JAM2: variants seen among roughly 807,000 people sequenced by gnomAD.
JAM2 encodes the protein junctional adhesion molecule 2, also known as junctional adhesion molecule B.
A neutral mutation model predicts 42.0 loss-of-function variants in JAM2; 17 were observed. That is an observed-to-expected ratio of 0.40 (90% CI 0.28 to 0.61). JAM2 has a LOEUF of 0.61. Among genes scored for constraint, JAM2 ranks in the 20% least tolerant of loss-of-function variants. JAM2 has a pLI of 0.37. For missense variants in JAM2, 319 were observed against 358.3 expected (o/e 0.89, Z 0.89); for synonymous variants, 118 against 128.6 (o/e 0.92, Z 0.56).
At chr21:25,708,735 T>C (rs928403260) in intron 7 of JAM2, among the ~76,000 whole-genome samples, 5 of 152,224 alleles carry the variant, frequency 3.3e-5, no homozygotes, top group African/African-American at 1.2e-4. Context: ...GTCATCTTTA[T>C]CTATAGCCTA....
At chr21:25,683,281 A>C (rs916351556) in intron 1 of JAM2, among the ~76,000 whole-genome samples, 3 of 152,186 alleles carry the variant, frequency 2.0e-5, no homozygotes, top group Admixed American at 6.5e-5. Flanking sequence ...GGTAGCCACC[A>C]CAGTCAGTTA....
chr21:25,703,329 C>T (rs1279019345), intron 6 of JAM2, among the ~76,000 whole-genome samples: 6 of 152,278 alleles, frequency 3.9e-5, no homozygotes, highest in African/African-American at 1.2e-4. Flanking sequence ...ACAATAAATA[C>T]ATAACGAATA....
chr21:25,685,761 G>C (rs776400415), intron 2 of JAM2, among the ~76,000 whole-genome samples: 34 of 152,200 alleles, frequency 2.2e-4, no homozygotes, highest in Non-Finnish European at 3.7e-4. Context: ...AAACAGGGCT[G>C]GGTGAGATGC....
chr21:25,697,379 G>A (rs2034062201), intron 4 of JAM2, among the ~76,000 whole-genome samples: 1 of 152,118 alleles, frequency 6.6e-6, no homozygotes, highest in African/African-American at 2.4e-5. Context: ...CTGCAATCTT[G>A]GGAGACCACC....
Position 25,717,497 on chromosome 21 carries a change from C to A in JAM2, c.*2825C>A, listed in dbSNP as rs141987754. 6 of 879,002 alleles carry A rather than the reference C, an allele frequency of 6.8e-6. No individual in the cohort carries two copies. The African/African-American group carries it at 6.9e-5, about 10-fold the overall frequency. 54.5% of individuals were successfully genotyped at this position (879,002 alleles called of 1,614,324 possible). A position where few individuals can be genotyped will look rare whatever the true frequency, so the allele number is the denominator to read the frequency against. On this transcript the variant is annotated 3_prime_UTR_variant, in exon 10 of 10. Coordinates refer to ENST00000480456, the MANE Select transcript of JAM2 (RefSeq NM_021219.4). ...ACCAATTGATTGCTTTTCAATACAA[C>A]TTTGCAAAGAACTTCCTTTTTCCAC...
chr21:25,661,168 G>T (rs2033078923), intron 1 of JAM2, among the ~76,000 whole-genome samples: 1 of 152,136 alleles, frequency 6.6e-6, no homozygotes, highest in African/African-American at 2.4e-5. Context: ...CATTATAAGT[G>T]TACACCAGGC....
chr21:25,705,872 T>C, intron 6 of JAM2, 107 bp from the exon 7 acceptor site: 1 of 737,752 alleles, frequency 1.4e-6, no homozygotes, highest in Non-Finnish European at 2.4e-6. Flanking sequence ...AAGTATGCTT[T>C]ATGATATAGC....
chr21:25,681,087 A>G (rs2033620721), intron 1 of JAM2, among the ~76,000 whole-genome samples: 1 of 152,248 alleles, frequency 6.6e-6, no homozygotes, highest in Non-Finnish European at 1.5e-5. Context: ...GTGGAGAAAT[A>G]GCATTTCAAG....
In JAM2 at chr21:25,716,700, C is replaced by T. The variant is rs2034486779; in HGVS notation, c.*2028C>T. On this transcript the variant is annotated 3_prime_UTR_variant, in exon 10 of 10. Transcript: ENST00000480456. ...CTGTGTTCCAATAAGACTTTATTTACAAAAACAGCAGGCACAGACAAGATT... is the reference window on the plus strand; with the variant it reads ...CTGTGTTCCAATAAGACTTTATTTATAAAAACAGCAGGCACAGACAAGATT... The T allele has an allele frequency of 6.6e-6, 1 of 152,164 alleles. No homozygotes were observed. The highest frequency in any genetic ancestry group is 2.4e-5 in the African/African-American group (1 of 41,430). 9.4% of individuals were successfully genotyped at this position (152,164 alleles called of 1,614,324 possible).
intron 6 of JAM2, among the ~76,000 whole-genome samples, chr21:25,702,540 A>G (rs190273191): frequency 4.3e-4 from 65 of 152,322 alleles, no homozygotes; most frequent in African/African-American, 1.5e-3. Context: ...ACATTCTTCT[A>G]AGTAGTCTTT....
In JAM2 at chr21:25,643,214, T is replaced by C. The variant is rs140199221; in HGVS notation, c.67+3326T>C. On this transcript the variant is annotated intron_variant, in intron 1 of 9. Transcript: ENST00000480456. Reference sequence around the variant, plus strand: ...TATAAATCATGAAGCTCTAACTTCATGTTAAGTAGGTGGAGTGTTAGATTT... The same window carrying C: ...TATAAATCATGAAGCTCTAACTTCACGTTAAGTAGGTGGAGTGTTAGATTT... Among the ~76,000 whole-genome samples, 57 of 152,354 alleles carry C rather than the reference T, an allele frequency of 3.7e-4. 1 individual carries two copies. The East Asian group carries it at 9.8e-3, about 26-fold the overall frequency.
At chr21:25,640,197 G>A (rs1203485648) in intron 1 of JAM2, among the ~76,000 whole-genome samples, 2 of 152,248 alleles carry the variant, frequency 1.3e-5, no homozygotes, top group African/African-American at 4.8e-5. Context: ...TTTTCAGACA[G>A]AGGGACGTGA....
intron 1 of JAM2, among the ~76,000 whole-genome samples, chr21:25,652,340 TGTG>T (rs2032804939): frequency 6.6e-6 from 1 of 152,082 alleles, no homozygotes; most frequent in Admixed American, 6.6e-5. Context: ...TGTGGTGAGC[TGTG>T]ATTGTGCTAC....
At chr21:25,670,478 C>G (rs770391136) in intron 1 of JAM2, among the ~76,000 whole-genome samples, 3 of 151,738 alleles carry the variant, frequency 2.0e-5, no homozygotes, top group Non-Finnish European at 1.5e-5. Context: ...AGAGCAAGAC[C>G]CTGTGTCAAA....
chr21:25,690,563 G>A (rs902358261), intron 3 of JAM2, among the ~76,000 whole-genome samples: 1 of 151,634 alleles, frequency 6.6e-6, no homozygotes, highest in Non-Finnish European at 1.5e-5. Flanking sequence ...GCCCAGGCTG[G>A]TCTTGAACTC....
At chr21:25,671,695 G>C (rs1349936665) in intron 1 of JAM2, among the ~76,000 whole-genome samples, 2 of 152,120 alleles carry the variant, frequency 1.3e-5, no homozygotes, top group African/African-American at 4.8e-5. Flanking sequence ...TTTTAGTAGA[G>C]ATGGGGTTTC....
intron 1 of JAM2, among the ~76,000 whole-genome samples, chr21:25,660,559 CA>C (rs2033052536): frequency 2.0e-5 from 3 of 151,566 alleles, no homozygotes; most frequent in Non-Finnish European, 4.4e-5. Flanking sequence ...GACAGTCCTG[CA>C]AAATAAAGAA....
At chr21:25,680,227 T>C (rs2033597410) in intron 1 of JAM2, among the ~76,000 whole-genome samples, 1 of 152,240 alleles carries the variant, frequency 6.6e-6, no homozygotes, top group Non-Finnish European at 1.5e-5. Context: ...TTGTGAATGT[T>C]TTCCATTAAT....
At chr21:25,699,573 C>A (rs2034117245) in intron 5 of JAM2, among the ~76,000 whole-genome samples, 1 of 151,628 alleles carries the variant, frequency 6.6e-6, no homozygotes, top group Non-Finnish European at 1.5e-5. Context: ...ATACAAAAGA[C>A]TTAGCCGGGC....
Sources: allele counts gnomAD v4.1 joint callset (sites outside exome capture counted in the v4.1 genomes callset), GRCh38; gene constraint gnomAD v4.1.1; transcripts MANE v1.5; gene names NCBI Gene and HGNC (gene_info 2026-07-23, HGNC 2026-07-21).